The following NBPF8 variants were observed in gnomAD, a reference collection of about 807,000 sequenced individuals.
NBPF8 encodes the protein NBPF family member NBPF8.
upstream of NBPF8, among the ~76,000 whole-genome samples, chr1:120,431,401 T>TAC (rs1201939573): frequency 5.2e-5 from 3 of 57,848 alleles, no homozygotes; most frequent in East Asian, 5.8e-4. Flanking sequence ...TATATATATA[T>TAC]ACAGACACAC....
At chr1:120,455,857 T>C (rs1422708844) in intron 16 of NBPF8, among the ~76,000 whole-genome samples, 1 of 152,164 alleles carries the variant, frequency 6.6e-6, no homozygotes, top group East Asian at 1.9e-4. Context: ...TTAATTGTGA[T>C]GTTAGGGTGT....
At chr1:120,431,663 G>A (rs1393381875), upstream of NBPF8, among the ~76,000 whole-genome samples, 208 of 150,634 alleles carry the variant, frequency 1.4e-3, 2 homozygotes, top group African/African-American at 4.7e-3. Flanking sequence ...GCACTTGGAA[G>A]TCTTATACTT....
upstream of NBPF8, among the ~76,000 whole-genome samples, chr1:120,415,953 G>C (rs1423059534): frequency 4.6e-5 from 7 of 152,330 alleles, no homozygotes; most frequent in African/African-American, 1.7e-4. Context: ...GACGTTTGGC[G>C]TGGTTTTCTT....
chr1:120,462,814 A>G (rs1661629984), exon 21 of NBPF8: 1 of 313,546 alleles, frequency 3.2e-6, no homozygotes, highest in African/African-American at 8.9e-5. Context: ...GAGCTGCTGG[A>G]TGAGAAAGAG....
exon 19 of NBPF8, chr1:120,461,331 C>A: frequency 2.0e-6 from 2 of 981,436 alleles, no homozygotes; most frequent in Non-Finnish European, 3.1e-6. Context: ...TCAACTCCTT[C>A]AGGTTGCCTT....
upstream of NBPF8, among the ~76,000 whole-genome samples, chr1:120,415,296 C>CG (rs1197980319): frequency 7.0e-6 from 1 of 142,606 alleles, no homozygotes; most frequent in Non-Finnish European, 1.5e-5. Flanking sequence ...CGCGCCAGGC[C>CG]GGGGGGCGGT....
upstream of NBPF8, among the ~76,000 whole-genome samples, chr1:120,434,362 T>A (rs2101599420): frequency 6.8e-6 from 1 of 147,674 alleles, no homozygotes; most frequent in African/African-American, 2.5e-5. Context: ...ATATTATATA[T>A]ACGTGTATAC....
rs1263315285 is a variant in NBPF8 at position 120,462,850 on chromosome 1, A to G, written n.3118A>G. The G allele has an allele frequency of 3.9e-4, 145 of 374,836 alleles. 1 individual carries two copies. The highest frequency in any genetic ancestry group is 2.5e-3 in the South Asian group (113 of 45,176). The allele number at this position is 374,836 out of a possible 1,614,324, so 23.2% of individuals were successfully genotyped here. ...CCTGAAGTCTTGCAGGACTCACTGG[A>G]TAGATGTTATTCGACTCCTTCAGGT... On this transcript the variant is annotated non_coding_transcript_exon_variant, in exon 21 of 25. Transcript: ENST00000583271.
intron 17 of NBPF8, among the ~76,000 whole-genome samples, chr1:120,459,809 C>T (rs1433368001): frequency 1.3e-5 from 2 of 152,214 alleles, no homozygotes; most frequent in Non-Finnish European, 2.9e-5. Context: ...CAAACTCACA[C>T]CAAACTATGC....
chr1:120,454,043 A>T (rs1553249361), exon 15 of NBPF8: 6 of 1,613,152 alleles, frequency 3.7e-6, no homozygotes, highest in Middle Eastern at 1.9e-4. Context: ...TTTGAGGAAG[A>T]CAAAGTCGAC....
exon 25 of NBPF8, chr1:120,467,672 TCTGC>T (rs1340832417): frequency 3.3e-5 from 5 of 150,296 alleles, no homozygotes; most frequent in African/African-American, 9.8e-5. Flanking sequence ...GAAAACATTC[TCTGC>T]CTGAGTTTTA....
At chr1:120,436,601 C>T (rs2101620412) in exon 1 of NBPF8, 6 of 1,608,268 alleles carry the variant, frequency 3.7e-6, no homozygotes, top group Non-Finnish European at 5.1e-6. Context: ...ATTGCGCCCC[C>T]AGTTGGCAGA....
intron 3 of NBPF8, among the ~76,000 whole-genome samples, chr1:120,430,507 C>G (rs1164161909): frequency 2.6e-5 from 3 of 115,870 alleles, no homozygotes; most frequent in African/African-American, 1.3e-4. Flanking sequence ...GTAATCTCAG[C>G]ACTTTGGGAG....
chr1:120,457,715 G>A (rs2101689759), intron 16 of NBPF8, among the ~76,000 whole-genome samples: 1 of 48,674 alleles, frequency 2.1e-5, no homozygotes, highest in East Asian at 7.4e-4. Context: ...TGTACCCTAA[G>A]ACTTAAAGTA....
chr1:120,431,362 ATATAT>A (rs1660872034), upstream of NBPF8, among the ~76,000 whole-genome samples: 1 of 6,464 alleles, frequency 1.5e-4, no homozygotes, highest in Non-Finnish European at 3.1e-4. Flanking sequence ...AATAGGGAAT[ATATAT>A]ATATATATAT....
At chr1:120,450,087 C>T (rs1319419926) in intron 11 of NBPF8, among the ~76,000 whole-genome samples, 8 of 151,932 alleles carry the variant, frequency 5.3e-5, no homozygotes, top group Non-Finnish European at 8.8e-5. Flanking sequence ...AGTAGATGGG[C>T]GTGGTGGCAG....
At chr1:120,433,347 T>C (rs1214975507), upstream of NBPF8, 1 of 152,668 alleles carries the variant, frequency 6.6e-6, no homozygotes, top group Non-Finnish European at 1.5e-5. Context: ...TATTCATAAA[T>C]ACATCAAAGT....
intron 3 of NBPF8, among the ~76,000 whole-genome samples, chr1:120,431,218 CAT>C (rs771903464): frequency 1.4e-5 from 2 of 138,878 alleles, no homozygotes; most frequent in Admixed American, 7.3e-5. Context: ...ATTCTTAGGA[CAT>C]ATATATATGT....
At chr1:120,429,561 G>C (rs1278461630) in intron 3 of NBPF8, among the ~76,000 whole-genome samples, 2 of 152,058 alleles carry the variant, frequency 1.3e-5, no homozygotes, top group African/African-American at 4.8e-5. Context: ...TTCCTTGAGA[G>C]GCAGGGACAT....
Sources: gnomAD v4.1 joint callset for allele counts (sites outside exome capture counted in the v4.1 genomes callset) on GRCh38, gnomAD v4.1.1 for gene constraint, MANE v1.5 for transcripts, NCBI Gene and HGNC (gene_info 2026-07-23, HGNC 2026-07-21) for gene names.